Variants in LTBP1 observed in about 807,000 individuals in gnomAD.
LTBP1 encodes latent-transforming growth factor beta-binding protein 1.
Under a neutral mutation model 207.6 loss-of-function variants are expected in LTBP1, and 129 were observed. That is an observed-to-expected ratio of 0.62 (90% CI 0.54 to 0.72). The LOEUF (loss-of-function observed/expected upper bound fraction) is 0.72. Ranked by LOEUF, LTBP1 falls within the 30% of genes least tolerant of loss-of-function variation. The probability of loss-of-function intolerance (pLI) is 0.00; values close to 1 mark genes in which losing one functional copy is unlikely to be tolerated. For missense variants in LTBP1, 2,281 were observed against 2,217.2 expected (o/e 1.03, Z -0.58); for synonymous variants, 963 against 833.7 (o/e 1.16, Z -2.67).
At chr2:33,324,296 A>C (rs1158609121) in intron 24 of LTBP1, among the ~76,000 whole-genome samples, 1 of 152,030 alleles carries the variant, frequency 6.6e-6, no homozygotes, top group Non-Finnish European at 1.5e-5. Context: ...TAATTGTTAT[A>C]ATTTTAATTA....
chr2:33,296,837 C>G (rs879809130), intron 20 of LTBP1, among the ~76,000 whole-genome samples: 1 of 152,046 alleles, frequency 6.6e-6, no homozygotes, highest in Non-Finnish European at 1.5e-5. Context: ...CCTTACTTTT[C>G]TCATCTGCAA....
At chr2:33,365,643 G>GTGTGTA (rs145560019) in intron 31 of LTBP1, 140 bp downstream of exon 31, 51,386 of 772,390 alleles carry the variant, frequency 0.067, 1,145 homozygotes, top group Non-Finnish European at 0.072. Flanking sequence ...GTGTGTGTGT[G>GTGTGTA]TGTGTGTAGG....
At chr2:33,131,138 C>A (rs1289328801) in intron 4 of LTBP1, among the ~76,000 whole-genome samples, 1 of 152,188 alleles carries the variant, frequency 6.6e-6, no homozygotes, top group Non-Finnish European at 1.5e-5. Flanking sequence ...CCGACAGTCA[C>A]CCTTGCCCCA....
At chr2:33,288,894 C>T (rs956451663) in intron 19 of LTBP1, among the ~76,000 whole-genome samples, 1 of 151,614 alleles carries the variant, frequency 6.6e-6, no homozygotes, top group Non-Finnish European at 1.5e-5. Flanking sequence ...AAGGTGGAGT[C>T]TGGGAATTAC....
At chr2:33,113,690 T>C (rs886702064) in intron 4 of LTBP1, among the ~76,000 whole-genome samples, 1 of 152,242 alleles carries the variant, frequency 6.6e-6, no homozygotes, top group Non-Finnish European at 1.5e-5. Context: ...TCTCTGGTCA[T>C]TGGTAAAGGA....
chr2:33,272,662 A>C (rs749650095), intron 15 of LTBP1, among the ~76,000 whole-genome samples: 16 of 152,256 alleles, frequency 1.1e-4, no homozygotes, highest in Non-Finnish European at 2.1e-4. Context: ...AAAGTGAGGC[A>C]TAGAATGGTG....
Position 33,134,322 on chromosome 2 carries a change from C to G in LTBP1, c.1034-471C>G. On this transcript the variant is annotated intron_variant, in intron 4 of 33. Coordinates refer to ENST00000404816, the MANE Select transcript of LTBP1 (RefSeq NM_206943.4). This position sits in a 1 kb window ranked among gnomAD's most constrained non-coding sequence, Gnocchi z 4.4. ...TAAAACATTTCCAGGGGTCGGGCTG[C>G]AAATAGTGACTTAATAAGTGGAGAA... 1 of 423,088 alleles carries G rather than the reference C, an allele frequency of 2.4e-6. No individual in the cohort carries two copies. The highest frequency in any genetic ancestry group is 1.8e-5 in the South Asian group (1 of 56,934). 26.2% of individuals were successfully genotyped at this position (423,088 alleles called of 1,614,324 possible).
intron 5 of LTBP1, among the ~76,000 whole-genome samples, chr2:33,136,279 A>G (rs1347114056): frequency 6.6e-6 from 1 of 152,226 alleles, no homozygotes; most frequent in Non-Finnish European, 1.5e-5. Context: ...GCCAAGTCTA[A>G]TGGGAAGTGA....
intron 14 of LTBP1, 133 bp downstream of exon 14, chr2:33,262,954 A>C: frequency 1.8e-6 from 1 of 566,500 alleles, no homozygotes; most frequent in Non-Finnish European, 3.1e-6. Flanking sequence ...GTATAGTAAT[A>C]TACTTATATA....
chr2:33,240,946 G>A (rs923872556), intron 9 of LTBP1, among the ~76,000 whole-genome samples: 1 of 152,058 alleles, frequency 6.6e-6, no homozygotes, highest in Admixed American at 6.5e-5. Context: ...CACCGCGCCC[G>A]GCCAGAAACG....
At chr2:33,336,813 CA>C (rs2094558978) in intron 24 of LTBP1, among the ~76,000 whole-genome samples, 2 of 152,032 alleles carry the variant, frequency 1.3e-5, no homozygotes. Context: ...AATGTAAAAC[CA>C]AAAACTGAAG....
intron 16 of LTBP1, among the ~76,000 whole-genome samples, chr2:33,274,693 C>T (rs1242306240): frequency 1.3e-5 from 2 of 152,178 alleles, no homozygotes; most frequent in African/African-American, 2.4e-5. Context: ...CAGGAGAATC[C>T]TTCTGTGTTG....
intron 3 of LTBP1, among the ~76,000 whole-genome samples, chr2:33,096,744 A>G (rs957274977): frequency 1.3e-5 from 2 of 152,168 alleles, no homozygotes; most frequent in African/African-American, 4.8e-5. Flanking sequence ...TAGATCACAT[A>G]TGAGAGTGAC....
At chr2:33,355,904 A>G (rs192379692) in intron 26 of LTBP1, among the ~76,000 whole-genome samples, 2 of 151,794 alleles carry the variant, frequency 1.3e-5, no homozygotes, top group Admixed American at 1.3e-4. Context: ...CTATGTGGAG[A>G]GATCCTCTTT....
At chr2:33,018,671 G>C (rs1688726751) in intron 2 of LTBP1, among the ~76,000 whole-genome samples, 1 of 152,192 alleles carries the variant, frequency 6.6e-6, no homozygotes, top group African/African-American at 2.4e-5. Flanking sequence ...CTGATAGTTA[G>C]AATTCTGAAT....
At chr2:33,356,206 GA>G (rs2149945780) in intron 26 of LTBP1, among the ~76,000 whole-genome samples, 1 of 152,302 alleles carries the variant, frequency 6.6e-6, no homozygotes, top group East Asian at 1.9e-4. Flanking sequence ...CAATGTGTAA[GA>G]AAACAGGAGC....
chr2:33,175,802 C>T (rs1158097635), intron 5 of LTBP1, among the ~76,000 whole-genome samples: 1 of 143,540 alleles, frequency 7.0e-6, no homozygotes, highest in Non-Finnish European at 1.5e-5. Context: ...GGCACATGTA[C>T]ACCGTGGAAT....
At chr2:33,288,854 C>G (rs1002090666) in intron 19 of LTBP1, among the ~76,000 whole-genome samples, 1 of 73,072 alleles carries the variant, frequency 1.4e-5, no homozygotes, top group African/African-American at 5.4e-5. Flanking sequence ...GACTCTGTCT[C>G]AAAAAAAAAA....
At chr2:33,010,970 G>A (rs1304577690) in intron 2 of LTBP1, among the ~76,000 whole-genome samples, 2 of 151,980 alleles carry the variant, frequency 1.3e-5, no homozygotes, top group African/African-American at 4.8e-5. Flanking sequence ...TGCCTGCCTC[G>A]ACCTCCCAAG....
Sources: allele counts gnomAD v4.1 joint callset (sites outside exome capture counted in the v4.1 genomes callset), GRCh38; gene constraint gnomAD v4.1.1; non-coding constraint Gnocchi (gnomAD v3.1); transcripts MANE v1.5; gene names NCBI Gene and HGNC (gene_info 2026-07-23, HGNC 2026-07-21).